The following AR variants were observed in gnomAD, a reference collection of about 807,000 sequenced individuals.
AR encodes the protein androgen receptor.
Under a neutral mutation model 53.9 loss-of-function variants are expected in AR, and 8 were observed. That is an observed-to-expected ratio of 0.15 (90% confidence interval 0.09 to 0.27). The LOEUF (loss-of-function observed/expected upper bound fraction) is 0.27. Ranked by LOEUF, AR falls within the 10% of genes least tolerant of loss-of-function variation. The probability of loss-of-function intolerance (pLI) is 1.00; values close to 1 mark genes in which losing one functional copy is unlikely to be tolerated. For synonymous variants in AR, 359 were observed against 316.4 expected, an observed-to-expected ratio of 1.13 and a Z score of -1.43; for missense variants, 639 against 742.5, an observed-to-expected ratio of 0.86 and a Z score of 1.62.
chrX:67,595,116 G>A (rs1483557960), intron 1 of AR, among the ~76,000 whole-genome samples: 1 of 111,365 alleles, frequency 9.0e-6, no homozygotes, highest in Admixed American at 9.6e-5. Flanking sequence ...ACATCAAAGG[G>A]TTGCCTCAAC....
rs2076163965 is a variant in AR at position 67,727,864 on chromosome X, C to T, written c.*4023C>T. 2 of 173,408 alleles carry T rather than the reference C, an allele frequency of 1.2e-5. No homozygotes were observed. The highest frequency in any genetic ancestry group is 5.9e-5 in the African/African-American group (2 of 33,962). 14.3% of individuals were successfully genotyped at this position (173,408 alleles called of 1,213,427 possible). On this transcript the variant is annotated 3_prime_UTR_variant, in exon 8 of 8. Coordinates refer to ENST00000374690, the MANE Select transcript of AR (RefSeq NM_000044.6). ...ATGGGAATCAGGAATGCCAAAGCACCAGATCAAATCCAAAACTTAAAGTCA... is the reference window on the plus strand; with the variant it reads ...ATGGGAATCAGGAATGCCAAAGCACTAGATCAAATCCAAAACTTAAAGTCA...
intron 4 of AR, among the ~76,000 whole-genome samples, chrX:67,713,712 A>T (rs933330849): frequency 8.9e-6 from 1 of 112,188 alleles, no homozygotes; most frequent in African/African-American, 3.2e-5. Flanking sequence ...ACAATAACCT[A>T]GTGCAAAACA....
chrX:67,706,492 T>A (rs751625301), intron 3 of AR, among the ~76,000 whole-genome samples: 2 of 111,735 alleles, frequency 1.8e-5, no homozygotes, highest in East Asian at 5.6e-4. Context: ...TCGGTGGTGA[T>A]CTCCCCTTTA....
chrX:67,655,240 A>G (rs1926532136), intron 2 of AR, among the ~76,000 whole-genome samples: 1 of 110,571 alleles, frequency 9.0e-6, no homozygotes, highest in South Asian at 3.9e-4. Context: ...GTAAGTAGAC[A>G]TCCTGTCCTT....
At chrX:67,562,339 T>C (rs1400170866) in intron 1 of AR, among the ~76,000 whole-genome samples, 1 of 106,585 alleles carries the variant, frequency 9.4e-6, no homozygotes, top group East Asian at 2.9e-4. Flanking sequence ...GAGTTTTGTT[T>C]GGTCTATATG....
At chrX:67,649,831 G>T (rs775301493) in intron 2 of AR, among the ~76,000 whole-genome samples, 2 of 112,046 alleles carry the variant, frequency 1.8e-5, no homozygotes, top group East Asian at 5.6e-4. Flanking sequence ...TAGGTTGGTT[G>T]TTCACTCTGA....
At chrX:67,589,232 C>G (rs1468816927) in intron 1 of AR, among the ~76,000 whole-genome samples, 1 of 105,865 alleles carries the variant, frequency 9.4e-6, no homozygotes, top group South Asian at 4.4e-4. Context: ...CACTGCAGTC[C>G]GCAGTCCGGC....
chrX:67,712,692 G>A (rs992358272), intron 4 of AR, among the ~76,000 whole-genome samples: 7 of 111,701 alleles, frequency 6.3e-5, no homozygotes, highest in African/African-American at 2.3e-4. Flanking sequence ...AAAATCTTAG[G>A]GCTCCAAGGA....
rs10666509 is a variant in AR at position 67,728,574 on chromosome X, AATATAT to A, written c.*4769_*4774del. 904 of 29,843 alleles carry A rather than the reference AATATAT, an allele frequency of 0.03. 21 individuals are homozygous for A. Among genetic ancestry groups the A allele is most frequent in the South Asian group, 0.041 (11 of 270 alleles). The allele number at this position is 29,843 out of a possible 1,213,427, so 2.5% of individuals were successfully genotyped here. A position where few individuals can be genotyped will look rare whatever the true frequency, so the allele number is the denominator to read the frequency against. On this transcript the variant is annotated 3_prime_UTR_variant, in exon 8 of 8. Coordinates refer to ENST00000374690, the MANE Select transcript of AR (RefSeq NM_000044.6). ...ATTTGTATCCATGTTTCAAAATTGA[AATATAT>A]ATATATATATATATATATATATATA...
At chrX:67,639,013 C>G (rs765976727) in intron 1 of AR, among the ~76,000 whole-genome samples, 1 of 111,668 alleles carries the variant, frequency 9.0e-6, no homozygotes, top group Non-Finnish European at 1.9e-5. Flanking sequence ...AGGAAGGGGT[C>G]CAGTTTCAGT....
At chrX:67,669,133 ATT>A (rs1440687986) in intron 2 of AR, among the ~76,000 whole-genome samples, 1 of 110,383 alleles carries the variant, frequency 9.1e-6, no homozygotes, top group Admixed American at 9.7e-5. Context: ...TTTAAGATGC[ATT>A]GTTAGGTTAT....
intron 1 of AR, among the ~76,000 whole-genome samples, chrX:67,630,540 T>G (rs1283523474): frequency 9.0e-6 from 1 of 111,037 alleles, no homozygotes; most frequent in African/African-American, 3.3e-5. Flanking sequence ...TGTCTCTGCA[T>G]ATGAGATGGG....
At chrX:67,644,753 G>A (rs1925969325) in intron 2 of AR, among the ~76,000 whole-genome samples, 1 of 111,502 alleles carries the variant, frequency 9.0e-6, no homozygotes, top group Non-Finnish European at 1.9e-5. Flanking sequence ...CAAGAAGGCA[G>A]CTATCATTTG....
In AR at chrX:67,728,262, T is replaced by G. The variant is rs1209387054; in HGVS notation, c.*4421T>G. The G allele has an allele frequency of 6.1e-6, 1 of 164,486 alleles. No homozygotes were observed. The highest frequency in any genetic ancestry group is 1.2e-5 in the Non-Finnish European group (1 of 86,788). 13.6% of individuals were successfully genotyped at this position (164,486 alleles called of 1,213,427 possible). On this transcript the variant is annotated 3_prime_UTR_variant, in exon 8 of 8. Transcript: ENST00000374690. ...GGATTATGGGTCCTTCACTAAGTGA[T>G]TTTATAAGCAGAACTGGCTTTCCTT... is the stretch of plus-strand genomic sequence containing the variant.
chrX:67,641,978 G>A (rs940076935), intron 1 of AR, among the ~76,000 whole-genome samples: 6 of 109,363 alleles, frequency 5.5e-5, no homozygotes, highest in Admixed American at 4.9e-4. Context: ...TGTTGGACTT[G>A]TAATCAAATT....
In AR at chrX:67,678,998, A is replaced by G. The variant is rs112088123; in HGVS notation, c.1769-7012A>G. ...TGACCATAGTTAATAATAATGTATT[A>G]TATGTCTCAGTATTGCTAAAAGAGT... is the stretch of plus-strand genomic sequence containing the variant. On this transcript the variant is annotated intron_variant, in intron 2 of 7. Transcript: ENST00000374690. 8.1e-3 allele frequency among the ~76,000 whole-genome samples: 899 copies of G among 111,572 alleles called. 7 individuals are homozygous for G. The highest frequency in any genetic ancestry group is 0.028 in the African/African-American group (854 of 30,697).
At chrX:67,720,302 C>A (rs982385009) in intron 5 of AR, among the ~76,000 whole-genome samples, 1 of 108,802 alleles carries the variant, frequency 9.2e-6, no homozygotes, top group Non-Finnish European at 1.9e-5. Flanking sequence ...TTCCCCCTTT[C>A]TTTTCCCCTT....
chrX:67,685,058 A>T (rs2075958243), intron 2 of AR, among the ~76,000 whole-genome samples: 1 of 111,396 alleles, frequency 9.0e-6, no homozygotes, highest in Non-Finnish European at 1.9e-5. Flanking sequence ...GGGGATGCAG[A>T]AGCTGAAGCT....
chrX:67,627,265 T>C (rs2147405655), intron 1 of AR, among the ~76,000 whole-genome samples: 1 of 111,565 alleles, frequency 9.0e-6, no homozygotes, highest in East Asian at 2.8e-4. Flanking sequence ...AAAGTGTTCC[T>C]ATTTCTCCAC....
Sources: allele counts gnomAD v4.1 joint callset (sites outside exome capture counted in the v4.1 genomes callset), GRCh38; gene constraint gnomAD v4.1.1; transcripts MANE v1.5; gene names NCBI Gene and HGNC (gene_info 2026-07-23, HGNC 2026-07-21).